MRTFB: variants seen among roughly 807,000 people sequenced by gnomAD.
MRTFB encodes the protein myocardin-related transcription factor B.
A neutral mutation model predicts 104.2 loss-of-function variants in MRTFB; 29 were observed. That is an observed-to-expected ratio of 0.28 (90% CI 0.21 to 0.38). The LOEUF is 0.38. Ranked by LOEUF, MRTFB falls within the 10% of genes least tolerant of loss-of-function variation. The pLI, the probability that MRTFB is intolerant of heterozygous loss-of-function variation, is 1.00. For synonymous variants in MRTFB, 535 were observed against 519.5 expected, an observed-to-expected ratio of 1.03 and a Z score of -0.41; for missense variants, 1,270 against 1,341.6, an observed-to-expected ratio of 0.95 and a Z score of 0.83.
intron 3 of MRTFB, among the ~76,000 whole-genome samples, chr16:14,188,951 T>C (rs2040059170): frequency 6.6e-6 from 1 of 151,986 alleles, no homozygotes; most frequent in Non-Finnish European, 1.5e-5. Context: ...AAACTTTATA[T>C]TTAAAACACT....
At chr16:14,063,166 G>A in the MRTFB span, among the ~76,000 whole-genome samples, 1 of 152,174 alleles carries the variant, frequency 6.6e-6, no homozygotes, top group Non-Finnish European at 1.5e-5. Flanking sequence ...GCAGGATTGA[G>A]CTTAGATTGA....
chr16:14,014,698 G>A, the MRTFB span, among the ~76,000 whole-genome samples: 1 of 150,928 alleles, frequency 6.6e-6, no homozygotes. Flanking sequence ...TACTAAAAAT[G>A]CAAAAAAGAA....
In MRTFB at chr16:14,085,607, G is replaced by A. The variant is rs540149262; in HGVS notation, c.-64+6253G>A. 1.6e-4 allele frequency among the ~76,000 whole-genome samples: 24 copies of A among 151,824 alleles called. No homozygotes were observed. In the South Asian group the frequency reaches 3.1e-3, roughly 20 times the overall value. On this transcript the variant is annotated intron_variant, in intron 2 of 16. Transcript: ENST00000571589. ...GACCAGGGACCAAGTAGTACAACTGGTATTTTATTCACTGGTTTACATCCA... is the reference window on the plus strand; with the variant it reads ...GACCAGGGACCAAGTAGTACAACTGATATTTTATTCACTGGTTTACATCCA...
rs1265258477 is a variant in MRTFB at position 14,177,187 on chromosome 16, G to A, written c.155-33056G>A. Among the ~76,000 whole-genome samples the A allele has an allele frequency of 6.6e-6, 1 of 152,208 alleles. No individual in the cohort carries two copies. Among genetic ancestry groups the A allele is most frequent in the East Asian group, 1.9e-4 (1 of 5,202 alleles). ...TCAGGAAGGTGGGAGACAAAGCACT[G>A]ATGGCTTTGAATGCCAGGCTAACAA... On this transcript the variant is annotated intron_variant, in intron 3 of 16. Transcript: ENST00000571589. The surrounding 1 kb of genome is among the most constrained non-coding windows in gnomAD (Gnocchi z 4.7).
intron 10 of MRTFB, among the ~76,000 whole-genome samples, chr16:14,241,712 A>C (rs2042773754): frequency 6.6e-6 from 1 of 152,190 alleles, no homozygotes; most frequent in Non-Finnish European, 1.5e-5. Context: ...TAAACCTATT[A>C]GTAATTCAGA....
At chr16:14,222,572 G>GTT (rs55658275) in intron 8 of MRTFB, among the ~76,000 whole-genome samples, 123 of 148,006 alleles carry the variant, frequency 8.3e-4, no homozygotes, top group Admixed American at 1.7e-3. Context: ...CCCTGTTTAG[G>GTT]TTTTTTTTTT....
At chr16:14,065,231 G>A in the MRTFB span, among the ~76,000 whole-genome samples, 2 of 152,112 alleles carry the variant, frequency 1.3e-5, no homozygotes, top group Non-Finnish European at 2.9e-5. Context: ...TTGCAAATGT[G>A]ATTGCATTTT....
At chr16:14,151,168 C>A (rs1040146780) in intron 3 of MRTFB, 2 of 152,132 alleles carry the variant, frequency 1.3e-5, no homozygotes, top group African/African-American at 4.8e-5. Context: ...TTACATTGCT[C>A]ATCTATAAAT....
chr16:14,260,527 CAA>C (rs747955486), intron 16 of MRTFB, among the ~76,000 whole-genome samples: 1 of 151,620 alleles, frequency 6.6e-6, no homozygotes, highest in African/African-American at 2.4e-5. Context: ...ACTTTAATGA[CAA>C]AATAACGACT....
At chr16:14,239,012 T>G (rs1285139612) in intron 9 of MRTFB, among the ~76,000 whole-genome samples, 1 of 152,208 alleles carries the variant, frequency 6.6e-6, no homozygotes, top group Non-Finnish European at 1.5e-5. Context: ...GGTGTGATAT[T>G]GCTGAATGCA....
chr16:14,234,200 G>C lies in MRTFB; in HGVS notation c.748G>C (p.Asp250His). ...PEFLKTPPTA[D>H]QPPPRPAAPV... ...ATTCTTGAAAACTCCTCCAACTGCA[G>C]ATCAGCCTCCCCCACGGCCTGCAGC... Residue 250 changes from aspartate (D) to histidine (H), a missense_variant, in exon 9 of 17, where the codon GAT becomes CAT. Transcript: ENST00000571589. 2 of 1,614,112 alleles carry C rather than the reference G, an allele frequency of 1.2e-6. No homozygotes were observed. Among genetic ancestry groups the C allele is most frequent in the Non-Finnish European group, 1.7e-6 (2 of 1,180,020 alleles).
intron 2 of MRTFB, among the ~76,000 whole-genome samples, chr16:14,117,133 GCCATCCC>G (rs2036581391): frequency 6.6e-6 from 1 of 152,184 alleles, no homozygotes; most frequent in Non-Finnish European, 1.5e-5. Flanking sequence ...TTGCCTTTGG[GCCATCCC>G]CCAAGGAATT....
At chr16:14,217,454 G>A (rs1190983616) in intron 7 of MRTFB, among the ~76,000 whole-genome samples, 167 bp downstream of exon 7, 1 of 152,188 alleles carries the variant, frequency 6.6e-6, no homozygotes, top group African/African-American at 2.4e-5. Flanking sequence ...TGTATTATAA[G>A]TCTAGTATCT....
intron 3 of MRTFB, among the ~76,000 whole-genome samples, chr16:14,174,622 G>C (rs1001850529): frequency 6.6e-6 from 1 of 152,202 alleles, no homozygotes; most frequent in African/African-American, 2.4e-5. Flanking sequence ...GGCAGAGGTT[G>C]TGGTGAGCCA....
upstream of MRTFB, among the ~76,000 whole-genome samples, chr16:14,070,725 T>C (rs1596673669): frequency 6.6e-6 from 1 of 152,266 alleles, no homozygotes; most frequent in Non-Finnish European, 1.5e-5. Context: ...GGCAGCGCCT[T>C]GAGCCTTGAA....
At chr16:14,163,262 T>C (rs1206670067) in intron 3 of MRTFB, among the ~76,000 whole-genome samples, 2 of 152,310 alleles carry the variant, frequency 1.3e-5, no homozygotes, top group African/African-American at 4.8e-5. Context: ...TGGAACCCAA[T>C]TGGAAATAAG....
rs141431826 is a variant in MRTFB at position 14,257,364 on chromosome 16, A to T, written c.2704-737A>T. Among the ~76,000 whole-genome samples the T allele has an allele frequency of 5.0e-4, 76 of 152,340 alleles. 1 individual carries two copies. The East Asian group carries it at 0.013, about 26-fold the overall frequency. On this transcript the variant is annotated intron_variant, in intron 15 of 16. Transcript: ENST00000571589. ...ATGTCCATCCACAAGTCAATGAATA[A>T]ACAAACTGCTGTGTTTCCATACAAT...
chr16:14,204,037 T>C (rs894603382), intron 3 of MRTFB, among the ~76,000 whole-genome samples: 1 of 152,146 alleles, frequency 6.6e-6, no homozygotes, highest in Admixed American at 6.5e-5. Flanking sequence ...CATAGCTCAC[T>C]GTATAGCCTC....
At chr16:14,250,422 T>A (rs535388833) in intron 13 of MRTFB, among the ~76,000 whole-genome samples, 1 of 152,226 alleles carries the variant, frequency 6.6e-6, no homozygotes, top group Admixed American at 6.5e-5. Context: ...CTTGTGGCTC[T>A]TGATGGAGGT....
Sources: allele counts gnomAD v4.1 joint callset (sites outside exome capture counted in the v4.1 genomes callset), GRCh38; gene constraint gnomAD v4.1.1; non-coding constraint Gnocchi (gnomAD v3.1); transcripts MANE v1.5; gene names NCBI Gene and HGNC (gene_info 2026-07-23, HGNC 2026-07-21).